KLHL29: variants seen among roughly 807,000 people sequenced by gnomAD.
KLHL29 encodes the protein kelch-like protein 29.
KLHL29 carries 21 observed loss-of-function variants against 80.4 expected under a neutral mutation model. That is an observed-to-expected ratio of 0.26 (90% CI 0.19 to 0.38). The LOEUF is 0.38. Ranked by LOEUF, KLHL29 falls within the 10% of genes least tolerant of loss-of-function variation. KLHL29 has a pLI of 1.00. For missense variants in KLHL29, 867 were observed against 1,223.9 expected, an observed-to-expected ratio of 0.71 and a Z score of 4.35; for synonymous variants, 511 against 526.8, an observed-to-expected ratio of 0.97 and a Z score of 0.41.
At chr2:23,613,268 C>A (rs1444236005) in intron 3 of KLHL29, among the ~76,000 whole-genome samples, 1 of 152,018 alleles carries the variant, frequency 6.6e-6, no homozygotes, top group African/African-American at 2.4e-5. Context: ...AAAGACAAAG[C>A]TTTTCAGACT....
chr2:23,566,606 T>C (rs183535232), intron 3 of KLHL29, among the ~76,000 whole-genome samples: 6 of 152,394 alleles, frequency 3.9e-5, no homozygotes, highest in Non-Finnish European at 7.3e-5. Flanking sequence ...CCAAAGGTTA[T>C]GTCAACTCAG....
At chr2:23,555,986 G>C (rs1046993049) in intron 2 of KLHL29, among the ~76,000 whole-genome samples, 5 of 152,224 alleles carry the variant, frequency 3.3e-5, no homozygotes, top group East Asian at 3.8e-4. Context: ...GGCTCTGAAG[G>C]GGGGACTGGA....
intron 2 of KLHL29, among the ~76,000 whole-genome samples, chr2:23,526,290 G>C (rs949774337): frequency 8.5e-5 from 13 of 152,290 alleles, no homozygotes; most frequent in East Asian, 3.9e-4. Context: ...GCGTCACAGG[G>C]GAGGGGAAAC....
intron 3 of KLHL29, among the ~76,000 whole-genome samples, chr2:23,622,503 G>A (rs1669208967): frequency 6.6e-6 from 1 of 152,232 alleles, no homozygotes; most frequent in African/African-American, 2.4e-5. Flanking sequence ...AAATGCGAAT[G>A]ATGGGTCCCA....
intron 1 of KLHL29, among the ~76,000 whole-genome samples, chr2:23,468,693 G>A (rs1664417050): frequency 6.6e-6 from 1 of 152,198 alleles, no homozygotes; most frequent in African/African-American, 2.4e-5. Context: ...CTGGCTAGAG[G>A]GCTTGTGGTG....
chr2:23,414,146 A>G (rs1666928494), intron 1 of KLHL29, among the ~76,000 whole-genome samples: 1 of 152,208 alleles, frequency 6.6e-6, no homozygotes, highest in Non-Finnish European at 1.5e-5. Flanking sequence ...GGAGGGACTT[A>G]ATTGTCTTTG....
rs73919759 is a variant in KLHL29, at chr2:23,563,771, G to A, written c.285+1290G>A. On this transcript the variant is annotated intron_variant, in intron 3 of 13. Coordinates refer to ENST00000486442, the MANE Select transcript of KLHL29 (RefSeq NM_052920.2). ...CAATGGAGCTATTGGAGGCTGGCTCGGAGCGCACTGACATCTTGCTGCAGT... is the reference window on the plus strand; with the variant it reads ...CAATGGAGCTATTGGAGGCTGGCTCAGAGCGCACTGACATCTTGCTGCAGT... Among the ~76,000 whole-genome samples, 1,289 of 152,322 alleles carry A rather than the reference G, an allele frequency of 8.5e-3. 25 individuals are homozygous for A. Among genetic ancestry groups the A allele is most frequent in the African/African-American group, 0.03 (1,234 of 41,574 alleles).
chr2:23,418,579 T>A (rs1163680268), intron 1 of KLHL29, among the ~76,000 whole-genome samples: 1 of 152,214 alleles, frequency 6.6e-6, no homozygotes, highest in Non-Finnish European at 1.5e-5. Flanking sequence ...GGACTGTTGC[T>A]GACACAGGAA....
At chr2:23,567,693 TGAA>T (rs1667623664) in intron 3 of KLHL29, among the ~76,000 whole-genome samples, 1 of 152,240 alleles carries the variant, frequency 6.6e-6, no homozygotes, top group Non-Finnish European at 1.5e-5. Context: ...CTGGGGCCCA[TGAA>T]TGGAGAGAGG....
At chr2:23,504,351 T>C (rs1665535359) in intron 2 of KLHL29, among the ~76,000 whole-genome samples, 1 of 152,182 alleles carries the variant, frequency 6.6e-6, no homozygotes, top group African/African-American at 2.4e-5. Flanking sequence ...TCCGGAGTTT[T>C]CAGGGTCGGA....
chr2:23,451,089 A>T (rs1663866339), intron 1 of KLHL29, among the ~76,000 whole-genome samples: 2 of 152,192 alleles, frequency 1.3e-5, no homozygotes, highest in African/African-American at 4.8e-5. Flanking sequence ...AACTAAGGAA[A>T]TTTTTTTAAG....
At chr2:23,702,168 T>C (rs953990133) in intron 11 of KLHL29, among the ~76,000 whole-genome samples, 1 of 152,182 alleles carries the variant, frequency 6.6e-6, no homozygotes, top group Admixed American at 6.5e-5. Flanking sequence ...CATTCCATAC[T>C]ATGGGAGCAC....
chr2:23,495,733 C>T (rs1200091390), intron 2 of KLHL29, among the ~76,000 whole-genome samples: 2 of 152,200 alleles, frequency 1.3e-5, no homozygotes, highest in African/African-American at 4.8e-5. Context: ...GGGTTGACAC[C>T]CCAGAACAGG....
intron 1 of KLHL29, among the ~76,000 whole-genome samples, chr2:23,386,519 C>T (rs1572471276): frequency 6.6e-6 from 1 of 152,154 alleles, no homozygotes; most frequent in Non-Finnish European, 1.5e-5. Flanking sequence ...GACGGCGAAG[C>T]GGCCAGGAGG....
Position 23,684,623 on chromosome 2 carries a change from C to A in KLHL29, c.1079+86C>A. The A allele has an allele frequency of 7.9e-7, 1 of 1,263,436 alleles. No homozygotes were observed. Among genetic ancestry groups the A allele is most frequent in the Non-Finnish European group, 1.1e-6 (1 of 935,534 alleles). The allele number at this position is 1,263,436 out of a possible 1,614,324, so 78.3% of individuals were successfully genotyped here. A position where few individuals can be genotyped will look rare whatever the true frequency, so the allele number is the denominator to read the frequency against. On this transcript the variant is annotated intron_variant, in intron 6 of 13. Transcript: ENST00000486442. The surrounding 1 kb of genome is among the most constrained non-coding windows in gnomAD (Gnocchi z 4.4). Reference sequence around the variant, plus strand: ...TTTCTCTTCCCCTCTCTTGCAGGTTCCTGAAGCGTGACTCCCTGTCACAGA... The same window carrying A: ...TTTCTCTTCCCCTCTCTTGCAGGTTACTGAAGCGTGACTCCCTGTCACAGA...
At chr2:23,507,703 G>A (rs1425857640) in intron 2 of KLHL29, among the ~76,000 whole-genome samples, 2 of 152,138 alleles carry the variant, frequency 1.3e-5, no homozygotes, top group Admixed American at 6.5e-5. Flanking sequence ...GCCTCACTTC[G>A]GGCCTGACCT....
In KLHL29 at chr2:23,475,652, A is replaced by C. The variant is rs1664614179; in HGVS notation, c.-61A>C. ...TGGGGACGAATCCTGAGCTTGCCAG[A>C]GACGGGCGGCGCAAGGTAGGTCTCT... is the stretch of plus-strand genomic sequence containing the variant. On this transcript the variant is annotated 5_prime_UTR_variant, in exon 2 of 14. Coordinates refer to ENST00000486442, the MANE Select transcript of KLHL29 (RefSeq NM_052920.2). The C allele has an allele frequency of 6.0e-6, 1 of 167,118 alleles. No individual in the cohort carries two copies. Among genetic ancestry groups the C allele is most frequent in the South Asian group, 2.1e-4 (1 of 4,822 alleles). The allele number at this position is 167,118 out of a possible 1,614,324, so 10.4% of individuals were successfully genotyped here.
chr2:23,574,216 A>T (rs1210882510), intron 3 of KLHL29, among the ~76,000 whole-genome samples: 3 of 152,136 alleles, frequency 2.0e-5, no homozygotes, highest in Admixed American at 1.3e-4. Context: ...TTTCATCTCA[A>T]GCCCTGTTCC....
intron 13 of KLHL29, among the ~76,000 whole-genome samples, chr2:23,704,521 C>G (rs1029107220): frequency 1.3e-5 from 2 of 152,212 alleles, no homozygotes; most frequent in African/African-American, 4.8e-5. Flanking sequence ...AATCCCAGCA[C>G]TTTGGGAGGC....
Sources: allele counts gnomAD v4.1 joint callset (sites outside exome capture counted in the v4.1 genomes callset), GRCh38; gene constraint gnomAD v4.1.1; non-coding constraint Gnocchi (gnomAD v3.1); transcripts MANE v1.5; gene names NCBI Gene and HGNC (gene_info 2026-07-23, HGNC 2026-07-21).